Variants in HS3ST4 observed in about 807,000 individuals in gnomAD.
The protein encoded by HS3ST4 is heparan sulfate glucosamine 3-O-sulfotransferase 4.
In HS3ST4, 17 loss-of-function variants were observed where a neutral mutation model predicts 29.2. The ratio of observed to expected loss-of-function variants is 0.58; its 90% CI spans 0.40 to 0.87. HS3ST4 has a LOEUF of 0.87. Among genes scored for constraint, HS3ST4 ranks in the 40% least tolerant of loss-of-function variants. The pLI is 0.00. For missense variants in HS3ST4, 627 were observed against 634.5 expected, an observed-to-expected ratio of 0.99 and a Z score of 0.13; for synonymous variants, 314 against 285.7, an observed-to-expected ratio of 1.10 and a Z score of -1.00.
chr16:26,001,838 C>A (rs181455838), intron 1 of HS3ST4, among the ~76,000 whole-genome samples: 1 of 151,724 alleles, frequency 6.6e-6, no homozygotes, highest in Admixed American at 6.6e-5. Context: ...AGGGAGACAA[C>A]CTGGAAGGGG....
chr16:25,751,018 G>A (rs1966715825), intron 1 of HS3ST4, among the ~76,000 whole-genome samples: 1 of 152,166 alleles, frequency 6.6e-6, no homozygotes, highest in African/African-American at 2.4e-5. Context: ...ATTGTGTGGT[G>A]GAAGTGCTGT....
At chr16:25,921,755 T>C (rs1968356526) in intron 1 of HS3ST4, among the ~76,000 whole-genome samples, 1 of 139,490 alleles carries the variant, frequency 7.2e-6, no homozygotes, top group Non-Finnish European at 1.6e-5. Context: ...TAAGTTTTTT[T>C]TTTCTTTTTT....
intron 1 of HS3ST4, among the ~76,000 whole-genome samples, chr16:25,935,488 C>G (rs1001739098): frequency 6.6e-6 from 1 of 152,178 alleles, no homozygotes; most frequent in Non-Finnish European, 1.5e-5. Flanking sequence ...TCCCCTCCCC[C>G]AGCTCCTGGA....
chr16:25,998,464 G>A (rs1969176294), intron 1 of HS3ST4, among the ~76,000 whole-genome samples: 1 of 152,178 alleles, frequency 6.6e-6, no homozygotes, highest in African/African-American at 2.4e-5. Context: ...TTGAATAGCT[G>A]TTATCACAGG....
At chr16:25,909,067 G>A (rs1057216865) in intron 1 of HS3ST4, among the ~76,000 whole-genome samples, 3 of 152,248 alleles carry the variant, frequency 2.0e-5, no homozygotes, top group Non-Finnish European at 4.4e-5. Flanking sequence ...ATTTCACAAT[G>A]ATGGGGATTA....
At position 25,697,855 on chromosome 16, in the gene HS3ST4, T is replaced by G. The variant is rs183171835; in HGVS notation, c.734+4704T>G. Reference sequence around the variant, plus strand: ...GTCCAGCAAATTTTTGTATCTTTAGTAGAGACGGGGTTTCACCATGTTGGC... The same window carrying G: ...GTCCAGCAAATTTTTGTATCTTTAGGAGAGACGGGGTTTCACCATGTTGGC... On this transcript the variant is annotated intron_variant, in intron 1 of 1. Coordinates refer to ENST00000331351, the MANE Select transcript of HS3ST4 (RefSeq NM_006040.3). 3.7e-4 allele frequency among the ~76,000 whole-genome samples: 56 copies of G among 152,278 alleles called. No homozygotes were observed. In the East Asian group the frequency reaches 7.1e-3, roughly 19 times the overall value.
chr16:26,012,104 A>G (rs1969316293), intron 1 of HS3ST4, among the ~76,000 whole-genome samples: 1 of 152,214 alleles, frequency 6.6e-6, no homozygotes, highest in African/African-American at 2.4e-5. Flanking sequence ...AGAATTCATC[A>G]ACCAGGCAAC....
chr16:25,903,821 GT>G (rs1171920435), intron 1 of HS3ST4, among the ~76,000 whole-genome samples: 2 of 150,216 alleles, frequency 1.3e-5, no homozygotes, highest in East Asian at 1.9e-4. Context: ...TGCCTGAATA[GT>G]TTTTGCATGT....
intron 1 of HS3ST4, among the ~76,000 whole-genome samples, chr16:26,056,680 T>G (rs146694458): frequency 6.6e-6 from 1 of 152,148 alleles, no homozygotes; most frequent in Non-Finnish European, 1.5e-5. Flanking sequence ...ACTGCCCTGC[T>G]CCCAACCTCC....
intron 1 of HS3ST4, among the ~76,000 whole-genome samples, chr16:26,020,541 C>A (rs2141746423): frequency 6.6e-6 from 1 of 152,342 alleles, no homozygotes; most frequent in South Asian, 2.1e-4. Context: ...GAATCATCTG[C>A]AGGGCTTCAC....
chr16:25,844,368 T>G (rs1177915623), intron 1 of HS3ST4, among the ~76,000 whole-genome samples: 1 of 152,276 alleles, frequency 6.6e-6, no homozygotes, highest in African/African-American at 2.4e-5. Context: ...TGCTAGTTTA[T>G]CTGAAATTTT....
At chr16:25,719,572 A>G (rs991672769) in intron 1 of HS3ST4, among the ~76,000 whole-genome samples, 3 of 152,204 alleles carry the variant, frequency 2.0e-5, no homozygotes, top group African/African-American at 7.2e-5. Flanking sequence ...ACATCCTTCC[A>G]TTTGGCCACT....
rs866937263 is a variant in HS3ST4, at chr16:25,839,924, G to C, written c.734+146773G>C. 3.9e-5 allele frequency among the ~76,000 whole-genome samples: 6 copies of C among 152,118 alleles called. No individual in the cohort carries two copies. In the East Asian group the frequency reaches 7.7e-4, roughly 19 times the overall value. On this transcript the variant is annotated intron_variant, in intron 1 of 1. Coordinates refer to ENST00000331351, the MANE Select transcript of HS3ST4 (RefSeq NM_006040.3). ...TTGCTGAAAAAAGGTTAACACTCCTGGTCAAAAGGAAGAAAGTATAGGCCG... is the reference window on the plus strand; with the variant it reads ...TTGCTGAAAAAAGGTTAACACTCCTCGTCAAAAGGAAGAAAGTATAGGCCG...
intron 1 of HS3ST4, among the ~76,000 whole-genome samples, chr16:25,704,156 C>G (rs375782485): frequency 4.6e-5 from 7 of 152,186 alleles, no homozygotes; most frequent in Middle Eastern, 3.2e-3. Flanking sequence ...GTACGATACT[C>G]CAGGCTTCTG....
intron 1 of HS3ST4, among the ~76,000 whole-genome samples, chr16:26,102,822 C>T (rs1253639567): frequency 1.3e-5 from 2 of 152,142 alleles, no homozygotes; most frequent in Admixed American, 6.5e-5. Flanking sequence ...TTTTTTACTT[C>T]CAGTTTTTCA....
chr16:25,701,696 A>T (rs1239765185), intron 1 of HS3ST4, among the ~76,000 whole-genome samples: 1 of 152,232 alleles, frequency 6.6e-6, no homozygotes, highest in Admixed American at 6.5e-5. Context: ...TTCATTAAAC[A>T]TGTATTATCA....
intron 1 of HS3ST4, among the ~76,000 whole-genome samples, chr16:25,766,958 T>A (rs1270277696): frequency 6.6e-6 from 1 of 152,138 alleles, no homozygotes; most frequent in African/African-American, 2.4e-5. Flanking sequence ...AATCCTGCAT[T>A]CTTTTGACTT....
At chr16:25,819,770 G>A (rs1330490106) in intron 1 of HS3ST4, among the ~76,000 whole-genome samples, 1 of 151,900 alleles carries the variant, frequency 6.6e-6, no homozygotes, top group Non-Finnish European at 1.5e-5. Flanking sequence ...TGTCTTTTCC[G>A]GGACTGGAAT....
At chr16:26,035,326 A>G (rs1217984293) in intron 1 of HS3ST4, among the ~76,000 whole-genome samples, 3 of 152,308 alleles carry the variant, frequency 2.0e-5, no homozygotes, top group African/African-American at 7.2e-5. Flanking sequence ...TCATCTACTC[A>G]TGGACTGGCA....
Sources: allele counts gnomAD v4.1 joint callset (sites outside exome capture counted in the v4.1 genomes callset), GRCh38; gene constraint gnomAD v4.1.1; transcripts MANE v1.5; gene names NCBI Gene and HGNC (gene_info 2026-07-23, HGNC 2026-07-21).